SASH1: variants seen among roughly 807,000 people sequenced by gnomAD.
SASH1 encodes SAM and SH3 domain containing 1, also known as SAM and SH3 domain-containing protein 1.
In SASH1, 44 loss-of-function variants were observed where a neutral mutation model predicts 125.2. That is an observed-to-expected ratio of 0.35 (90% CI 0.28 to 0.45). The LOEUF is 0.45. SASH1 is among the 20% of genes least tolerant of loss of function. The pLI is 1.00. For synonymous variants in SASH1, 639 were observed against 649.1 expected, an observed-to-expected ratio of 0.98 and a Z score of 0.24; for missense variants, 1,426 against 1,614.5, an observed-to-expected ratio of 0.88 and a Z score of 2.00.
At chr6:148,440,906 G>T (rs1776517747) in intron 4 of SASH1, among the ~76,000 whole-genome samples, 1 of 152,088 alleles carries the variant, frequency 6.6e-6, no homozygotes, top group Non-Finnish European at 1.5e-5. Flanking sequence ...TCCTGTTAAA[G>T]GTAATATTTT....
At chr6:148,443,027 C>T (rs556892592) in intron 4 of SASH1, among the ~76,000 whole-genome samples, 6 of 152,028 alleles carry the variant, frequency 3.9e-5, no homozygotes, top group Admixed American at 6.6e-5. Flanking sequence ...CTGCCCGCCT[C>T]AGCCTCCCAA....
At chr6:148,536,672 T>C (rs541886368) in intron 16 of SASH1, among the ~76,000 whole-genome samples, 46 of 152,222 alleles carry the variant, frequency 3.0e-4, no homozygotes, top group Non-Finnish European at 6.3e-4. Flanking sequence ...TCCATGACAT[T>C]TCCTTTATCA....
intron 8 of SASH1, among the ~76,000 whole-genome samples, chr6:148,506,163 T>G (rs551684535): frequency 1.8e-4 from 27 of 151,924 alleles, no homozygotes; most frequent in African/African-American, 6.3e-4. Context: ...CAGTGAGTTA[T>G]GAATAGAAGA....
chr6:148,343,090 G>C lies in SASH1; in HGVS notation c.23G>C (p.Gly8Ala). 1 of 1,540,782 alleles carries C rather than the reference G, an allele frequency of 6.5e-7. No homozygotes were observed. Among genetic ancestry groups the C allele is most frequent in the Non-Finnish European group, 8.7e-7 (1 of 1,150,136 alleles). The change falls in exon 1 of 20, where the codon GGC becomes GCC. Residue 8 changes from glycine (G) to alanine (A), a missense_variant. Gly to Ala is a moderately conservative substitution (Grantham distance 60). This residue lies in a region of SASH1 where 567 missense variants were observed against 575.6 expected (regional missense o/e 0.99). Transcript: ENST00000367467. ...GCCATGGAGGACGCGGGAGCAGCTG[G>C]CCCGGGGCCGGAGCCTGAGCCCGAG... MEDAGAA[G>A]PGPEPEPEPE...
chr6:148,199,859 A>AG, the SASH1 span, among the ~76,000 whole-genome samples: 71 of 152,244 alleles, frequency 4.7e-4, no homozygotes, highest in African/African-American at 1.5e-3. Flanking sequence ...AGGAAAGGAA[A>AG]GAAAAGAGAA....
chr6:148,329,440 A>G (rs941940621), intron 1 of SASH1, among the ~76,000 whole-genome samples: 4 of 152,242 alleles, frequency 2.6e-5, no homozygotes, highest in African/African-American at 9.6e-5. Flanking sequence ...CCAAGGCACT[A>G]TTTAAAGAAA....
At position 148,448,467 on chromosome 6, in the gene SASH1, G is replaced by GT. The variant is rs1304169992; in HGVS notation, c.386+8061dup. Among the ~76,000 whole-genome samples, 3 of 152,196 alleles carry GT rather than the reference G, an allele frequency of 2.0e-5. No homozygotes were observed. In the East Asian group the frequency reaches 5.8e-4, roughly 29 times the overall value. ...AACCTAACCAGAGGCCTCTCCCCAC[G>GT]TGAGTCCCTGTTGCATTGGGTCCTG... On this transcript the variant is annotated intron_variant, in intron 4 of 19. Transcript: ENST00000367467.
In SASH1 at chr6:148,534,316, C is replaced by T. The variant is rs559940611; in HGVS notation, c.1944+336C>T. ...AACTCTGCGCCCACCTCTCTCCCAC[C>T]ATCACTCCAGGCATCTACTAGCATG... On this transcript the variant is annotated intron_variant, in intron 15 of 19. Coordinates refer to ENST00000367467, the MANE Select transcript of SASH1 (RefSeq NM_015278.5). Among the ~76,000 whole-genome samples the T allele has an allele frequency of 6.3e-4, 96 of 152,272 alleles. 1 individual carries two copies. The highest frequency in any genetic ancestry group is 2.1e-3 in the African/African-American group (88 of 41,542).
chr6:148,377,101 C>T (rs375451193), intron 1 of SASH1, among the ~76,000 whole-genome samples: 14 of 136,246 alleles, frequency 1.0e-4, no homozygotes, highest in East Asian at 9.3e-4. Context: ...ACCCGGGAGG[C>T]GGAGCTTGCA....
intron 8 of SASH1, among the ~76,000 whole-genome samples, chr6:148,493,860 C>T (rs953896058): frequency 3.3e-5 from 5 of 152,174 alleles, no homozygotes; most frequent in African/African-American, 1.2e-4. Flanking sequence ...TGGTTGAGAG[C>T]TTAGCTCGAT....
At chr6:148,493,851 G>A (rs570073145) in intron 8 of SASH1, among the ~76,000 whole-genome samples, 5 of 152,256 alleles carry the variant, frequency 3.3e-5, no homozygotes, top group Middle Eastern at 3.4e-3. Context: ...AGAGATTTTT[G>A]GTTGAGAGCT....
rs190058303 is a variant in SASH1, at chr6:148,472,141, T to G, written c.514+638T>G. Reference sequence around the variant, plus strand: ...AGAGAAGAAACCAGAACAAATCCACTTCCAGATTCCAGTCCAGCTGAATGA... The same window carrying G: ...AGAGAAGAAACCAGAACAAATCCACGTCCAGATTCCAGTCCAGCTGAATGA... On this transcript the variant is annotated intron_variant, in intron 6 of 19. Coordinates refer to ENST00000367467, the MANE Select transcript of SASH1 (RefSeq NM_015278.5). 5.3e-5 allele frequency among the ~76,000 whole-genome samples: 8 copies of G among 152,342 alleles called. No homozygotes were observed. The East Asian group carries it at 5.8e-4, about 11-fold the overall frequency.
chr6:148,345,124 G>A (rs114368464), intron 1 of SASH1, among the ~76,000 whole-genome samples: 3,246 of 152,268 alleles, frequency 0.021, 104 homozygotes, highest in African/African-American at 0.074. Context: ...TGAGGAAATT[G>A]GTTTGATAAT....
At chr6:148,262,250 T>C in the SASH1 span, among the ~76,000 whole-genome samples, 1 of 152,136 alleles carries the variant, frequency 6.6e-6, no homozygotes, top group Non-Finnish European at 1.5e-5. Flanking sequence ...AGTTCCTGTA[T>C]AAGATATCAG....
intron 8 of SASH1, among the ~76,000 whole-genome samples, chr6:148,499,170 A>G (rs1250440813): frequency 6.6e-6 from 1 of 151,362 alleles, no homozygotes; most frequent in Non-Finnish European, 1.5e-5. Context: ...CAGTCATGAG[A>G]CAAATCATTT....
intron 1 of SASH1, among the ~76,000 whole-genome samples, chr6:148,317,687 A>G (rs533070372): frequency 3.1e-4 from 47 of 152,300 alleles, no homozygotes; most frequent in Admixed American, 3.0e-3. Context: ...GGCCTCCCAA[A>G]GTGCTGGGAT....
chr6:148,327,159 A>G (rs1213485355), intron 1 of SASH1, among the ~76,000 whole-genome samples: 1 of 152,070 alleles, frequency 6.6e-6, no homozygotes, highest in East Asian at 1.9e-4. Context: ...TTACTAGACT[A>G]AGTGATCCTG....
Position 148,514,280 on chromosome 6 carries a change from C to T in SASH1, c.730-44C>T, listed in dbSNP as rs1057793. On this transcript the variant is annotated intron_variant, in intron 8 of 19. Transcript: ENST00000367467. ...TACATCCAGCCACACGGGCAAAGCTCGGAGCAATTACCTGATTAACTTTTT... is the reference window on the plus strand; with the variant it reads ...TACATCCAGCCACACGGGCAAAGCTTGGAGCAATTACCTGATTAACTTTTT... 0.22 allele frequency: 342,309 copies of T among 1,584,370 alleles called. 38,015 individuals are homozygous for T. The highest frequency in any genetic ancestry group is 0.3 in the East Asian group (12,969 of 43,956).
chr6:148,208,774 A>G, the SASH1 span, among the ~76,000 whole-genome samples: 11 of 152,274 alleles, frequency 7.2e-5, no homozygotes, highest in Non-Finnish European at 1.6e-4. Flanking sequence ...CTATTTCTTC[A>G]TCTTTGACAT....
Sources: gnomAD v4.1 joint callset for allele counts (sites outside exome capture counted in the v4.1 genomes callset) on GRCh38, gnomAD v4.1.1 for gene constraint, gnomAD v4.1.1 regional missense constraint, MANE v1.5 for transcripts, NCBI Gene and HGNC (gene_info 2026-07-23, HGNC 2026-07-21) for gene names.